HERC1: variants seen among roughly 807,000 people sequenced by gnomAD.
HERC1 encodes HECT and RLD domain containing E3 ubiquitin protein ligase family member 1, also known as probable E3 ubiquitin-protein ligase HERC1.
Under a neutral mutation model 554.3 loss-of-function variants are expected in HERC1, and 160 were observed. That is an observed-to-expected ratio of 0.29 (90% CI 0.25 to 0.33). The LOEUF (loss-of-function observed/expected upper bound fraction) is 0.33, where lower values mean the gene tolerates loss of function less well. HERC1 is among the 10% of genes least tolerant of loss of function. The pLI is 1.00. For missense variants in HERC1, 4,919 were observed against 5,918.5 expected, an observed-to-expected ratio of 0.83 and a Z score of 5.54; for synonymous variants, 2,175 against 2,131.7, an observed-to-expected ratio of 1.02 and a Z score of -0.56.
At chr15:63,732,886 CTTTATTCTTTTT>C (rs2074355399) in intron 14 of HERC1, 26 bp downstream of exon 14, 1 of 1,352,886 alleles carries the variant, frequency 7.4e-7, no homozygotes, top group East Asian at 2.4e-5. Context: ...ATCCCTACCC[CTTTATTCTTTTT>C]TTACTACAAT....
chr15:63,746,706 G>T (rs180678282), intron 12 of HERC1, among the ~76,000 whole-genome samples: 103 of 152,298 alleles, frequency 6.8e-4, no homozygotes, highest in African/African-American at 2.4e-3. Flanking sequence ...ACCAAATCTG[G>T]TGGGAGAGCA....
intron 77 of HERC1, among the ~76,000 whole-genome samples, chr15:63,611,222 C>T (rs770156070): frequency 2.7e-4 from 41 of 152,310 alleles, no homozygotes; most frequent in African/African-American, 7.0e-4. Context: ...AGTATCAAGA[C>T]GTCACATCAG....
chr15:63,775,247 T>C lies in HERC1; in HGVS notation c.377A>G (p.Lys126Arg), dbSNP rs765185294. 2 of 1,614,056 alleles carry C rather than the reference T, an allele frequency of 1.2e-6. No individual in the cohort carries two copies. The highest frequency in any genetic ancestry group is 4.5e-5 in the East Asian group (2 of 44,888). Reference protein sequence around the residue: ...ALSNKYHDKGKVKQQQHSPES... With the variant: ...ALSNKYHDKGRVKQQQHSPES... ...CGGAGAATGCTGCTGCTGCTTCACC[T>C]TGCCTTTGTCATGGTATTTATTAGA... is the stretch of plus-strand genomic sequence containing the variant. Residue 126 changes from lysine to arginine, a missense_variant, in exon 2 of 78, where the codon AAG (lysine) becomes AGG (arginine). By Grantham distance (26) the Lys-to-Arg change is conservative. Coordinates refer to ENST00000443617, the MANE Select transcript of HERC1 (RefSeq NM_003922.4). The surrounding 1 kb of genome is among the most constrained non-coding windows in gnomAD (Gnocchi z 4.0).
intron 42 of HERC1, among the ~76,000 whole-genome samples, chr15:63,665,668 T>C (rs2070593203): frequency 6.6e-6 from 1 of 152,236 alleles, no homozygotes; most frequent in Non-Finnish European, 1.5e-5. Context: ...ACTTGTTTCC[T>C]TTTTCAGTAC....
intron 40 of HERC1, among the ~76,000 whole-genome samples, chr15:63,667,246 A>C (rs1259432431): frequency 1.3e-5 from 2 of 152,234 alleles, no homozygotes; most frequent in African/African-American, 4.8e-5. Flanking sequence ...GTTCACAGGA[A>C]CTTAACCCTG....
rs1026117978 is a variant in HERC1 at position 63,722,265 on chromosome 15, C to T, written c.3742+917G>A. ...ACTTAATAGTATATCTTATCTCAAA[C>T]TGGAATCTTCACCAGCACTCTAGAG... On this transcript the variant is annotated intron_variant, in intron 19 of 77. Transcript: ENST00000443617. Among the ~76,000 whole-genome samples, 6 of 152,178 alleles carry T rather than the reference C, an allele frequency of 3.9e-5. No homozygotes were observed. The East Asian group carries it at 1.2e-3, about 29-fold the overall frequency.
At chr15:63,650,042 A>G in intron 53 of HERC1, 117 bp from the exon 54 acceptor site, 1 of 671,306 alleles carries the variant, frequency 1.5e-6, no homozygotes, top group Non-Finnish European at 2.5e-6. Flanking sequence ...ATTTCATAAT[A>G]GCCTACTAAT....
intron 3 of HERC1, 144 bp downstream of exon 3, chr15:63,763,952 C>CAA: frequency 5.7e-6 from 1 of 175,162 alleles, no homozygotes; most frequent in Non-Finnish European, 1.2e-5. Context: ...CCCTAGATAC[C>CAA]CAGTTCCTCT....
At chr15:63,746,177 C>A (rs929432941) in intron 12 of HERC1, among the ~76,000 whole-genome samples, 1 of 151,736 alleles carries the variant, frequency 6.6e-6, no homozygotes, top group African/African-American at 2.4e-5. Flanking sequence ...TATAAATTTT[C>A]CTCCAAGCAC....
chr15:63,737,815 TCA>T (rs1389205408), intron 12 of HERC1, among the ~76,000 whole-genome samples: 2 of 152,042 alleles, frequency 1.3e-5, no homozygotes, highest in African/African-American at 4.8e-5. Flanking sequence ...ATACAAAGGA[TCA>T]AAAATTTGAA....
At chr15:63,722,607 AC>A (rs2073868211) in intron 19 of HERC1, among the ~76,000 whole-genome samples, 1 of 152,116 alleles carries the variant, frequency 6.6e-6, no homozygotes, top group Non-Finnish European at 1.5e-5. Context: ...TCACTTAGTA[AC>A]CCTCTTGGTT....
At chr15:63,701,445 A>C (rs2072719538) in intron 25 of HERC1, among the ~76,000 whole-genome samples, 1 of 152,220 alleles carries the variant, frequency 6.6e-6, no homozygotes, top group African/African-American at 2.4e-5. Context: ...AGGGGTTGGC[A>C]AACTTTTTCT....
At chr15:63,781,513 C>A (rs948130226) in intron 1 of HERC1, among the ~76,000 whole-genome samples, 1 of 152,058 alleles carries the variant, frequency 6.6e-6, no homozygotes, top group Non-Finnish European at 1.5e-5. Flanking sequence ...CAAAGCACAC[C>A]CATATAAGAT....
At chr15:63,693,167 G>C (rs1261954082) in intron 30 of HERC1, among the ~76,000 whole-genome samples, 2 of 151,548 alleles carry the variant, frequency 1.3e-5, no homozygotes, top group Non-Finnish European at 2.9e-5. Flanking sequence ...GACAGGGTGA[G>C]ACTCTGTCTC....
chr15:63,694,026 T>C lies in HERC1; in HGVS notation c.5612A>G (p.Asp1871Gly). 6.3e-7 allele frequency: 1 copy of C among 1,588,876 alleles called. No homozygotes were observed. The highest frequency in any genetic ancestry group is 8.6e-7 in the Non-Finnish European group (1 of 1,166,340). The change falls in exon 30 of 78, where the codon GAC (aspartate) becomes GGC (glycine). Residue 1871 changes from aspartate to glycine, a missense_variant. By Grantham distance (94) the Asp-to-Gly change is moderately conservative (BLOSUM62 -1). This residue lies in a region of HERC1 where 1,121 missense variants were observed against 1,244.0 expected (regional missense o/e 0.90). Transcript: ENST00000443617. The surrounding 1 kb of genome is among the most constrained non-coding windows in gnomAD (Gnocchi z 4.3). ...MASFGEGEQE[D>G]GEEEEKKVDS... ...AACTTTTTTTTCTTCTTCTTCACCG[T>C]CTTCTTGCTCCCCTTCTCCGAAAGA...
chr15:63,649,720 T>C lies in HERC1; in HGVS notation c.10747+5A>G, dbSNP rs1466572336. On this transcript the variant is annotated splice_donor_5th_base_variant and intron_variant, in intron 54 of 77. Transcript: ENST00000443617. ...CGTCAGCTAGACGTAAGTGCAGTCA[T>C]TTACCATCCTTTCGATAGCAATGCT... 2 of 1,610,770 alleles carry C rather than the reference T, an allele frequency of 1.2e-6. No individual in the cohort carries two copies. Among genetic ancestry groups the C allele is most frequent in the African/African-American group, 1.3e-5 (1 of 74,880 alleles).
At chr15:63,788,821 C>T (rs115507550) in intron 1 of HERC1, among the ~76,000 whole-genome samples, 67 of 141,332 alleles carry the variant, frequency 4.7e-4, no homozygotes, top group African/African-American at 1.7e-3. Context: ...GAGGCTGGGG[C>T]AGGAGATCGC....
intron 65 of HERC1, among the ~76,000 whole-genome samples, chr15:63,635,696 G>A (rs1195812373): frequency 1.3e-5 from 2 of 152,088 alleles, no homozygotes; most frequent in Non-Finnish European, 2.9e-5. Flanking sequence ...CCTTCCAAGG[G>A]CGTGCAGCAC....
intron 76 of HERC1, among the ~76,000 whole-genome samples, chr15:63,613,144 G>A (rs1366666097): frequency 6.6e-6 from 1 of 152,170 alleles, no homozygotes; most frequent in Non-Finnish European, 1.5e-5. Context: ...AGAGACTTGG[G>A]TTCTAACTCC....
Sources: gnomAD v4.1 joint callset for allele counts (sites outside exome capture counted in the v4.1 genomes callset) on GRCh38, gnomAD v4.1.1 for gene constraint, gnomAD v4.1.1 regional missense constraint, Gnocchi (gnomAD v3.1) non-coding constraint, MANE v1.5 for transcripts, NCBI Gene and HGNC (gene_info 2026-07-23, HGNC 2026-07-21) for gene names.